The following TTC21A variants were observed in gnomAD, a reference collection of about 807,000 sequenced individuals.
TTC21A encodes the protein tetratricopeptide repeat domain 21A, also known as tetratricopeptide repeat protein 21A.
In TTC21A, 128 loss-of-function variants were observed where a neutral mutation model predicts 156.4. That is an observed-to-expected ratio of 0.82 (90% CI 0.71 to 0.95). The LOEUF is 0.95. TTC21A is among the 40% of genes least tolerant of loss of function. The pLI, the probability that TTC21A is intolerant of heterozygous loss-of-function variation, is 0.00. For synonymous variants in TTC21A, 587 were observed against 617.1 expected (o/e 0.95, Z 0.72); for missense variants, 1,435 against 1,602.3 (o/e 0.90, Z 1.78).
At chr3:39,135,204 C>T (rs1431559400) in intron 22 of TTC21A, 30 bp downstream of exon 22, 5 of 1,591,752 alleles carry the variant, frequency 3.1e-6, no homozygotes, top group Non-Finnish European at 4.3e-6. Context: ...CTGCCTGTAC[C>T]AGTTCCCACT....
chr3:39,111,047 G>A (rs745998940), intron 4 of TTC21A, 30 bp downstream of exon 4: 11 of 1,575,430 alleles, frequency 7.0e-6, no homozygotes, highest in South Asian at 2.3e-5. Flanking sequence ...GACAACAGGC[G>A]AAGAAAGCAG....
At position 39,138,709 on chromosome 3, in the gene TTC21A, A is replaced by C; in HGVS notation, c.3865-2A>C. ...TGCACACCCATTCTCTCTCTGTTCC[A>C]GGTCCTCAGGGAGCACCCCGACTAC... On this transcript the variant is annotated splice_acceptor_variant, in intron 28 of 28. Transcript: ENST00000683103. LOFTEE classifies it high-confidence loss of function. The C allele has an allele frequency of 6.2e-7, 1 of 1,614,160 alleles. No individual in the cohort carries two copies.
chr3:39,125,400 C>T lies in TTC21A; in HGVS notation c.1260C>T (p.Leu420=), dbSNP rs768466177. The part of the protein sequence containing the change: ...KHKGEEETTA[L]LKEAVELHFS... ...AGGGGGAGGAAGAGACCACAGCGCT[C>T]CTGAAGGAGGCAGTGGAGCTTCACT... is the stretch of plus-strand genomic sequence containing the variant. The change falls in exon 11 of 29, where the codon CTC becomes CTT. Residue 420 remains leucine (L), a synonymous_variant. Transcript: ENST00000683103. 4 of 1,614,166 alleles carry T rather than the reference C, an allele frequency of 2.5e-6. No individual in the cohort carries two copies. In the Admixed American group the frequency reaches 6.7e-5, roughly 27 times the overall value.
chr3:39,126,811 T>C (rs2038305680), intron 12 of TTC21A, among the ~76,000 whole-genome samples: 1 of 152,210 alleles, frequency 6.6e-6, no homozygotes. Flanking sequence ...GTAATAGTTA[T>C]TGAACTTCTT....
chr3:39,117,396 A>C (rs2037383527), intron 6 of TTC21A, among the ~76,000 whole-genome samples: 1 of 152,222 alleles, frequency 6.6e-6, no homozygotes, highest in African/African-American at 2.4e-5. Context: ...AATGGGAAAG[A>C]ATCTTTCTAT....
Position 39,122,325 on chromosome 3 carries a change from A to G in TTC21A, c.1093+1136A>G, listed in dbSNP as rs1478888434. ...GACTCCACCTCAAAAAAAGAAAGAAAAAAAAAAAAAAGAGTACATAGCAGC... is the reference window on the plus strand; with the variant it reads ...GACTCCACCTCAAAAAAAGAAAGAAGAAAAAAAAAAAGAGTACATAGCAGC... On this transcript the variant is annotated intron_variant, in intron 9 of 28. Transcript: ENST00000683103. 2.6e-4 allele frequency among the ~76,000 whole-genome samples: 4 copies of G among 15,106 alleles called. No individual in the cohort carries two copies. The South Asian group carries it at 0.014, about 54-fold the overall frequency. 9.9% of individuals were successfully genotyped at this position (15,106 alleles called of 152,430 possible).
intron 6 of TTC21A, among the ~76,000 whole-genome samples, chr3:39,116,951 C>T (rs2037344875): frequency 6.6e-6 from 1 of 152,166 alleles, no homozygotes; most frequent in South Asian, 2.1e-4. Flanking sequence ...AAGCAATCCT[C>T]CCACCTCAGC....
chr3:39,130,616 G>A lies in TTC21A; in HGVS notation c.2320-85G>A. 3 of 1,541,708 alleles carry A rather than the reference G, an allele frequency of 1.9e-6. No individual in the cohort carries two copies. Among genetic ancestry groups the A allele is most frequent in the Non-Finnish European group, 2.7e-6 (3 of 1,126,908 alleles). On this transcript the variant is annotated intron_variant, in intron 17 of 28. Transcript: ENST00000683103. The surrounding 1 kb of genome is among the most constrained non-coding windows in gnomAD (Gnocchi z 4.5). ...GGCTATGTTCTGGAGGGGCACACTG[G>A]TGTGATGGCTGCTGAGGGGAACATG...
Position 39,125,533 on chromosome 3 carries a change from G to A in TTC21A, c.1392+1G>A, listed in dbSNP as rs201202999. ...GTACTTGCTCTTCTGCCCCAAGCAG[G>A]TTAGGGGAAGGCCTGTCTTCATGGT... On this transcript the variant is annotated splice_donor_variant, in intron 11 of 28. Coordinates refer to ENST00000683103, the MANE Select transcript of TTC21A (RefSeq NM_001366900.1). LOFTEE classifies it high-confidence loss of function. The A allele has an allele frequency of 4.9e-4, 792 of 1,606,890 alleles. 2 individuals are homozygous for A. Among genetic ancestry groups the A allele is most frequent in the Non-Finnish European group, 6.5e-4 (758 of 1,173,648 alleles).
chr3:39,121,003 A>T lies in TTC21A; in HGVS notation c.907A>T (p.Ser303Cys). The change falls in exon 9 of 29, where the codon AGT becomes TGT. Residue 303 changes from serine (S) to cysteine (C), a missense_variant. By Grantham distance (112) the Ser-to-Cys change is moderately radical (BLOSUM62 -1). Coordinates refer to ENST00000683103, the MANE Select transcript of TTC21A (RefSeq NM_001366900.1). Reference sequence around the variant, plus strand: ...ACCTTCCTGTTTCTTGCAGTGTGGGAGTCACCAGGTGATTCTAGGGCTAGT... The same window carrying T: ...ACCTTCCTGTTTCTTGCAGTGTGGGTGTCACCAGGTGATTCTAGGGCTAGT... ...KIIVVSRLCG[S>C]HQVILGLVCS... 1.2e-6 allele frequency: 2 copies of T among 1,604,180 alleles called. No homozygotes were observed. Among genetic ancestry groups the T allele is most frequent in the Non-Finnish European group, 1.7e-6 (2 of 1,174,052 alleles).
intron 6 of TTC21A, 69 bp from the exon 7 acceptor site, chr3:39,118,000 T>A: frequency 2.7e-6 from 3 of 1,091,926 alleles, no homozygotes; most frequent in Non-Finnish European, 4.2e-6. Context: ...CAATCAGAAG[T>A]CGCCAACACA....
Position 39,125,141 on chromosome 3 carries a change from A to G in TTC21A, c.1172A>G (p.Lys391Arg), listed in dbSNP as rs776723294. 6.2e-7 allele frequency: 1 copy of G among 1,613,800 alleles called. No individual in the cohort carries two copies. Among genetic ancestry groups the G allele is most frequent in the African/African-American group, 1.3e-5 (1 of 75,018 alleles). ...CTGGAATTCCTGAAGGAGGTGCAGA[A>G]GTCCCTTGGGAAGTCTGAGGTCAGA... is the stretch of plus-strand genomic sequence containing the variant. Reference protein sequence around the residue: ...YRLEFLKEVQKSLGKSEVLIF... With the variant: ...YRLEFLKEVQRSLGKSEVLIF... Residue 391 changes from lysine (K) to arginine (R), a missense_variant, in exon 10 of 29, where the codon AAG (lysine) becomes AGG (arginine). By Grantham distance (26) the Lys-to-Arg change is conservative (BLOSUM62 2). Transcript: ENST00000683103.
At position 39,112,512 on chromosome 3, in the gene TTC21A, A is replaced by T. The variant is rs758511954; in HGVS notation, c.490A>T (p.Lys164Ter). Reference sequence around the variant, plus strand: ...GACCTCAGACAAGCCCCACACTGCGAAGAAAGCCATTGAGTACCTGGAACA... The same window carrying T: ...GACCTCAGACAAGCCCCACACTGCGTAGAAAGCCATTGAGTACCTGGAACA... The part of the protein sequence containing the change: ...DLTSDKPHTA[K>*]KAIEYLEQGI... Residue 164 changes from lysine to a stop codon, truncating the protein, a stop_gained, in exon 5 of 29, where the codon AAG becomes TAG. Coordinates refer to ENST00000683103, the MANE Select transcript of TTC21A (RefSeq NM_001366900.1). LOFTEE classifies it high-confidence loss of function. 6.2e-7 allele frequency: 1 copy of T among 1,614,190 alleles called. No homozygotes were observed. The highest frequency in any genetic ancestry group is 8.5e-7 in the Non-Finnish European group (1 of 1,180,034).
chr3:39,137,494 C>A lies in TTC21A; in HGVS notation c.3459C>A (p.Ser1153Arg), dbSNP rs34201693. The A allele has an allele frequency of 6.2e-7, 1 of 1,614,162 alleles. No homozygotes were observed. Among genetic ancestry groups the A allele is most frequent in the Non-Finnish European group, 8.5e-7 (1 of 1,179,998 alleles). Reference sequence around the variant, plus strand: ...TCCTACCTGGTGTGTAGAAGGACAGCGTCCCTGCCCTGCTGGCCTTGGCAC... The same window carrying A: ...TCCTACCTGGTGTGTAGAAGGACAGAGTCCCTGCCCTGCTGGCCTTGGCAC... ...FIQIAQAEKD[S>R]VPALLALAQA... is the part of the protein sequence containing the mutation. The change falls in exon 26 of 29, where the codon AGC becomes AGA. Residue 1153 changes from serine to arginine, a missense_variant. Ser to Arg is a moderately radical substitution (Grantham distance 110). Coordinates refer to ENST00000683103, the MANE Select transcript of TTC21A (RefSeq NM_001366900.1).
chr3:39,119,734 C>A (rs2037598405), intron 7 of TTC21A, 188 bp from the exon 8 acceptor site: 1 of 524,710 alleles, frequency 1.9e-6, no homozygotes, highest in Admixed American at 3.6e-5. Flanking sequence ...CACTTATAGG[C>A]CTTTGAAGTA....
Position 39,137,073 on chromosome 3 carries a change from G to A in TTC21A, c.3257+13G>A, listed in dbSNP as rs748701105. 3 of 1,613,080 alleles carry A rather than the reference G, an allele frequency of 1.9e-6. No individual in the cohort carries two copies. In the South Asian group the frequency reaches 3.3e-5, roughly 18 times the overall value. On this transcript the variant is annotated intron_variant, in intron 24 of 28. Coordinates refer to ENST00000683103, the MANE Select transcript of TTC21A (RefSeq NM_001366900.1). ...GAGCTGAGAGCAAGTAAGGGCCCAT[G>A]GAGGCAGGGGCGGAACCCTGGGGAA...
At chr3:39,126,765 T>C (rs1325013796) in intron 12 of TTC21A, among the ~76,000 whole-genome samples, 2 of 152,160 alleles carry the variant, frequency 1.3e-5, no homozygotes, top group African/African-American at 2.4e-5. Context: ...CTCTCCCACC[T>C]AGGCCTTTGT....
Position 39,135,088 on chromosome 3 carries a change from G to A in TTC21A, c.2863-5G>A. ...AAATCTGGAGCTTTGTGTGTTTTCT[G>A]ATAGTTGATGGCTGACCTGATGTTT... On this transcript the variant is annotated splice_region_variant and splice_polypyrimidine_tract_variant and intron_variant, in intron 21 of 28. Transcript: ENST00000683103. The A allele has an allele frequency of 6.2e-7, 1 of 1,612,748 alleles. No individual in the cohort carries two copies. Among genetic ancestry groups the A allele is most frequent in the South Asian group, 1.1e-5 (1 of 91,054 alleles).
intron 11 of TTC21A, among the ~76,000 whole-genome samples, chr3:39,125,906 T>C (rs1264248646): frequency 6.6e-6 from 1 of 152,244 alleles, no homozygotes; most frequent in African/African-American, 2.4e-5. Context: ...AGAAGTATGT[T>C]AGTCTTTACT....
Sources: gnomAD v4.1 joint callset for allele counts (sites outside exome capture counted in the v4.1 genomes callset) on GRCh38, gnomAD v4.1.1 for gene constraint, Gnocchi (gnomAD v3.1) non-coding constraint, MANE v1.5 for transcripts, NCBI Gene and HGNC (gene_info 2026-07-23, HGNC 2026-07-21) for gene names.